The following INPP4B variants were observed in gnomAD, a reference collection of about 807,000 sequenced individuals.
INPP4B encodes the protein inositol polyphosphate 4-phosphatase type II.
A neutral mutation model predicts 122.5 loss-of-function variants in INPP4B; 55 were observed. That is an observed-to-expected ratio of 0.45 (90% CI 0.36 to 0.56). The LOEUF is 0.56. INPP4B is among the 20% of genes least tolerant of loss of function. The pLI is 0.00. For missense variants in INPP4B, 1,000 were observed against 1,097.7 expected, an observed-to-expected ratio of 0.91 and a Z score of 1.26; for synonymous variants, 403 against 388.7, an observed-to-expected ratio of 1.04 and a Z score of -0.43.
chr4:142,056,051 G>C (rs773386286), intron 25 of INPP4B, among the ~76,000 whole-genome samples: 1 of 151,740 alleles, frequency 6.6e-6, no homozygotes, highest in Non-Finnish European at 1.5e-5. Flanking sequence ...TAGATTCCTC[G>C]CATGTGCAGT....
intron 2 of INPP4B, among the ~76,000 whole-genome samples, chr4:142,517,887 A>G (rs1220106008): frequency 6.6e-6 from 1 of 152,190 alleles, no homozygotes; most frequent in Non-Finnish European, 1.5e-5. Context: ...CAGGTCTGGT[A>G]TTGATGGATG....
chr4:142,259,261 G>A (rs1019852103), intron 11 of INPP4B, among the ~76,000 whole-genome samples: 12 of 150,780 alleles, frequency 8.0e-5, no homozygotes, highest in Admixed American at 6.6e-5. Flanking sequence ...GCTAAATGAC[G>A]ACTTAGTGGG....
chr4:142,074,044 G>C (rs1427213942), intron 25 of INPP4B, among the ~76,000 whole-genome samples: 1 of 151,966 alleles, frequency 6.6e-6, no homozygotes, highest in East Asian at 1.9e-4. Context: ...TCCTGTCATA[G>C]CATGATGCAT....
At chr4:142,810,860 G>C (rs1561096398) in intron 1 of INPP4B, among the ~76,000 whole-genome samples, 1 of 152,086 alleles carries the variant, frequency 6.6e-6, no homozygotes, top group Non-Finnish European at 1.5e-5. Context: ...TAATCCTCTT[G>C]TCTGAAAGAA....
In INPP4B at chr4:142,796,000, C is replaced by T. The variant is rs114016222; in HGVS notation, c.-254+50209G>A. Among the ~76,000 whole-genome samples the T allele has an allele frequency of 5.8e-3, 883 of 152,024 alleles. 6 individuals carry two copies. Among genetic ancestry groups the T allele is most frequent in the African/African-American group, 0.019 (807 of 41,504 alleles). On this transcript the variant is annotated intron_variant, in intron 1 of 25. Coordinates refer to ENST00000262992, the MANE Select transcript of INPP4B (RefSeq NM_001101669.3). Reference sequence around the variant, plus strand: ...TATTATCTAATATGAGAAAAATGTACAATCCTTCCACGTTCATTGCATTTT... The same window carrying T: ...TATTATCTAATATGAGAAAAATGTATAATCCTTCCACGTTCATTGCATTTT...
intron 25 of INPP4B, among the ~76,000 whole-genome samples, chr4:142,080,940 ATGT>A (rs1773610069): frequency 6.6e-6 from 1 of 152,174 alleles, no homozygotes; most frequent in Non-Finnish European, 1.5e-5. Flanking sequence ...TCAACCAAAC[ATGT>A]TGTATATGGC....
At chr4:142,141,661 TCAAA>T (rs1561267246) in intron 18 of INPP4B, among the ~76,000 whole-genome samples, 1 of 152,014 alleles carries the variant, frequency 6.6e-6, no homozygotes, top group East Asian at 1.9e-4. Flanking sequence ...ACCTTGGTTC[TCAAA>T]CAAACAGAAA....
chr4:142,307,802 T>C (rs1763994583), intron 8 of INPP4B, among the ~76,000 whole-genome samples: 1 of 152,174 alleles, frequency 6.6e-6, no homozygotes, highest in Admixed American at 6.5e-5. Context: ...TTTATGAAAC[T>C]CCAAAATTGC....
intron 25 of INPP4B, among the ~76,000 whole-genome samples, chr4:142,036,900 A>G (rs1744299524): frequency 6.6e-6 from 1 of 152,224 alleles, no homozygotes; most frequent in Non-Finnish European, 1.5e-5. Flanking sequence ...AATAGTACAA[A>G]TGGTCATTTC....
chr4:142,110,656 C>T (rs1445421755), intron 22 of INPP4B, among the ~76,000 whole-genome samples: 2 of 152,070 alleles, frequency 1.3e-5, no homozygotes, highest in Non-Finnish European at 2.9e-5. Flanking sequence ...CTCAGGGTTT[C>T]CCTACTTTGC....
intron 7 of INPP4B, among the ~76,000 whole-genome samples, chr4:142,363,254 A>G (rs938798200): frequency 9.9e-5 from 15 of 152,006 alleles, no homozygotes; most frequent in African/African-American, 3.4e-4. Flanking sequence ...AGCCTATTTC[A>G]TTTATAAATA....
chr4:142,774,656 C>T (rs1265129045), intron 1 of INPP4B, among the ~76,000 whole-genome samples: 1 of 152,000 alleles, frequency 6.6e-6, no homozygotes, highest in Non-Finnish European at 1.5e-5. Context: ...GTTCCATTTA[C>T]AAGTTACCAG....
At chr4:142,090,178 T>A (rs1778820892) in intron 23 of INPP4B, among the ~76,000 whole-genome samples, 1 of 152,192 alleles carries the variant, frequency 6.6e-6, no homozygotes, top group South Asian at 2.1e-4. Context: ...CACCTGGCCA[T>A]CCTTTCCCCA....
At chr4:142,227,881 G>GA (rs1204465049) in intron 12 of INPP4B, among the ~76,000 whole-genome samples, 6 of 107,102 alleles carry the variant, frequency 5.6e-5, no homozygotes, top group Non-Finnish European at 1.0e-4. Flanking sequence ...AAAAAAAAAA[G>GA]AAAAAAAATT....
At chr4:142,117,595 T>G (rs989504347) in intron 21 of INPP4B, among the ~76,000 whole-genome samples, 13 of 152,150 alleles carry the variant, frequency 8.5e-5, no homozygotes, top group Admixed American at 7.9e-4. Flanking sequence ...AGAAAAGGCC[T>G]TTGACAAAAT....
intron 8 of INPP4B, among the ~76,000 whole-genome samples, chr4:142,312,635 C>T (rs1025034173): frequency 6.6e-6 from 1 of 152,102 alleles, no homozygotes; most frequent in African/African-American, 2.4e-5. Context: ...AGTACATGTG[C>T]GTTTCATGTA....
At chr4:142,036,754 T>C (rs1744228302) in intron 25 of INPP4B, among the ~76,000 whole-genome samples, 1 of 152,204 alleles carries the variant, frequency 6.6e-6, no homozygotes, top group Non-Finnish European at 1.5e-5. Flanking sequence ...ATTAAAGATG[T>C]CTCACATGTA....
chr4:142,353,089 G>A (rs1359367610), intron 7 of INPP4B, among the ~76,000 whole-genome samples: 1 of 151,720 alleles, frequency 6.6e-6, no homozygotes, highest in Non-Finnish European at 1.5e-5. Flanking sequence ...AAGGTAAAAA[G>A]CCACTAAATG....
chr4:142,031,478 C>T (rs961774806), intron 25 of INPP4B, among the ~76,000 whole-genome samples: 1 of 152,068 alleles, frequency 6.6e-6, no homozygotes, highest in Non-Finnish European at 1.5e-5. Context: ...GTGTAAAACA[C>T]CAAATCAACC....
Sources: gnomAD v4.1 joint callset for allele counts (sites outside exome capture counted in the v4.1 genomes callset) on GRCh38, gnomAD v4.1.1 for gene constraint, MANE v1.5 for transcripts, NCBI Gene and HGNC (gene_info 2026-07-23, HGNC 2026-07-21) for gene names.